DCAF7: variants seen among roughly 807,000 people sequenced by gnomAD.
DCAF7 encodes the protein DDB1 and CUL4 associated factor 7, also known as DDB1- and CUL4-associated factor 7.
In DCAF7, 4 loss-of-function variants were observed where a neutral mutation model predicts 41.2. The observed-to-expected ratio is 0.10, with a 90% CI of 0.05 to 0.22. The LOEUF is 0.22. DCAF7 is among the 10% of genes least tolerant of loss of function. The pLI is 1.00. For missense variants in DCAF7, 131 were observed against 443.2 expected, an observed-to-expected ratio of 0.30 and a Z score of 6.32; for synonymous variants, 143 against 164.2, an observed-to-expected ratio of 0.87 and a Z score of 0.99.
chr17:63,550,865 G>A lies in DCAF7; in HGVS notation c.138+50G>A, dbSNP rs769869731. The A allele has an allele frequency of 2.5e-6, 4 of 1,588,508 alleles. No homozygotes were observed. The East Asian group carries it at 6.9e-5, about 27-fold the overall frequency. ...CCAGCTGGCGGGGAGCGGGCCCCGGGAGCGCCCTTTCCGGGCCGGAGCCCA... is the reference window on the plus strand; with the variant it reads ...CCAGCTGGCGGGGAGCGGGCCCCGGAAGCGCCCTTTCCGGGCCGGAGCCCA... On this transcript the variant is annotated intron_variant, in intron 1 of 6. Transcript: ENST00000614556. This position sits in a 1 kb window ranked among gnomAD's most constrained non-coding sequence, Gnocchi z 4.8.
At chr17:63,572,851 C>G (rs1413195229) in intron 1 of DCAF7, among the ~76,000 whole-genome samples, 1 of 152,232 alleles carries the variant, frequency 6.6e-6, no homozygotes, top group Non-Finnish European at 1.5e-5. Context: ...CAACCTCTAC[C>G]TCCTAGGCTC....
chr17:63,576,717 C>T (rs919080814), intron 1 of DCAF7, among the ~76,000 whole-genome samples: 3 of 152,094 alleles, frequency 2.0e-5, no homozygotes, highest in Admixed American at 2.0e-4. Context: ...AGTTCGAGGC[C>T]AGCCTGGGCA....
intron 1 of DCAF7, among the ~76,000 whole-genome samples, chr17:63,555,568 G>A (rs945352888): frequency 1.3e-5 from 2 of 152,300 alleles, no homozygotes; most frequent in East Asian, 1.9e-4. Flanking sequence ...TAGCCGGTCT[G>A]TATTGAACAC....
chr17:63,563,899 A>G (rs183704003), intron 1 of DCAF7, among the ~76,000 whole-genome samples: 4 of 152,268 alleles, frequency 2.6e-5, no homozygotes, highest in East Asian at 3.9e-4. Flanking sequence ...CACTGGGGGA[A>G]TCCCGGTACA....
At chr17:63,557,465 T>C (rs1182014186) in intron 1 of DCAF7, among the ~76,000 whole-genome samples, 3 of 151,612 alleles carry the variant, frequency 2.0e-5, no homozygotes, top group Admixed American at 6.6e-5. Flanking sequence ...GCCGAGATCA[T>C]GTCACTGTAC....
intron 1 of DCAF7, among the ~76,000 whole-genome samples, chr17:63,575,309 C>A (rs1304868313): frequency 6.6e-6 from 1 of 152,030 alleles, no homozygotes; most frequent in African/African-American, 2.4e-5. Context: ...CCAGCTGAGG[C>A]GACAGAGCGA....
Position 63,579,871 on chromosome 17 carries a change from A to G in DCAF7, c.456A>G (p.Thr152=), listed in dbSNP as rs2147774648. ...CATGCACCATCTGGGGGCTGGAGAC[A>G]GGGCAGGTGTTAGGGCGAGTGAATC... ...DTTCTIWGLE[T]GQVLGRVNLV... The change falls in exon 4 of 7, where the codon ACA becomes ACG. Residue 152 remains threonine, a synonymous_variant. Transcript: ENST00000614556. 3 of 1,613,932 alleles carry G rather than the reference A, an allele frequency of 1.9e-6. No homozygotes were observed. Among genetic ancestry groups the G allele is most frequent in the Non-Finnish European group, 2.5e-6 (3 of 1,179,838 alleles).
intron 1 of DCAF7, among the ~76,000 whole-genome samples, chr17:63,556,052 G>T (rs1398499751): frequency 6.6e-6 from 1 of 152,216 alleles, no homozygotes; most frequent in Admixed American, 6.5e-5. Context: ...TTGGTAATCA[G>T]TCAGGAAGAG....
At chr17:63,585,084 G>A (rs1329237764) in intron 5 of DCAF7, 127 bp from the exon 6 acceptor site, 1 of 709,324 alleles carries the variant, frequency 1.4e-6, no homozygotes, top group Non-Finnish European at 2.4e-6. Flanking sequence ...TGGAAATCCT[G>A]TCTCTAGTTC....
intron 1 of DCAF7, among the ~76,000 whole-genome samples, chr17:63,556,737 C>A (rs889443159): frequency 3.9e-5 from 6 of 152,102 alleles, no homozygotes; most frequent in African/African-American, 1.4e-4. Context: ...TGTGGTGGTG[C>A]GTGCCTGTAA....
At chr17:63,551,099 C>T (rs980916722) in intron 1 of DCAF7, among the ~76,000 whole-genome samples, 16 of 152,350 alleles carry the variant, frequency 1.1e-4, no homozygotes, top group African/African-American at 3.8e-4. Flanking sequence ...GGTCTTAAAA[C>T]CGGGTTTACG....
chr17:63,576,639 G>T (rs1164423324), intron 1 of DCAF7, among the ~76,000 whole-genome samples: 1 of 151,282 alleles, frequency 6.6e-6, no homozygotes, highest in East Asian at 2.0e-4. Context: ...AATTTTTTGG[G>T]TGCGGTGCTT....
chr17:63,561,260 A>G (rs372356110), intron 1 of DCAF7, among the ~76,000 whole-genome samples: 18 of 152,286 alleles, frequency 1.2e-4, no homozygotes, highest in Middle Eastern at 6.8e-3. Context: ...GCAAGACTCT[A>G]TCTCAAAAAA....
chr17:63,551,891 CAAAAAAAAAAAAAAAAAAAAAAAAAAAA>C lies in DCAF7; in HGVS notation c.138+1089_138+1116del, dbSNP rs529811578. On this transcript the variant is annotated intron_variant, in intron 1 of 6. Transcript: ENST00000614556. Reference sequence around the variant, plus strand: ...GTGAAACCCCGTCTCTACTAAAATACAAAAAAAAAAAAAAAAAAAAAAAAAAAAAAAAAAAAAAAAGCCGGGCGTAGCT... The same window carrying C: ...GTGAAACCCCGTCTCTACTAAAATACAAAAAAAAAAAAGCCGGGCGTAGCT... 3.7e-4 allele frequency among the ~76,000 whole-genome samples: 10 copies of C among 27,296 alleles called. No individual in the cohort carries two copies. In the South Asian group the frequency reaches 0.028, roughly 78 times the overall value. The allele number at this position is 27,296 out of a possible 152,430, so 17.9% of individuals were successfully genotyped here.
chr17:63,551,262 C>G (rs567025150), intron 1 of DCAF7, among the ~76,000 whole-genome samples: 1 of 151,910 alleles, frequency 6.6e-6, no homozygotes, highest in African/African-American at 2.4e-5. Context: ...CACTAGATTT[C>G]TATTAAGACG....
chr17:63,588,897 T>C (rs2033705575), intron 6 of DCAF7, 103 bp from the exon 7 acceptor site: 2 of 1,272,368 alleles, frequency 1.6e-6, no homozygotes, highest in Non-Finnish European at 2.1e-6. Context: ...AGAACCGCCA[T>C]CACGGGGGTG....
rs947682077 is a variant in DCAF7, at chr17:63,550,939, CTCTG to C, written c.138+129_138+132del. On this transcript the variant is annotated intron_variant, in intron 1 of 6. Coordinates refer to ENST00000614556, the MANE Select transcript of DCAF7 (RefSeq NM_005828.5). The surrounding 1 kb of genome is among the most constrained non-coding windows in gnomAD (Gnocchi z 4.8). The stretch of plus-strand genomic sequence containing the variant: ...TCGCCCTAGGGCCACGGAGCGGTTC[CTCTG>C]TCTGGCCCTGTGCTGAAGGTTTCGT... 2 of 1,426,068 alleles carry C rather than the reference CTCTG, an allele frequency of 1.4e-6. No individual in the cohort carries two copies. The highest frequency in any genetic ancestry group is 2.9e-5 in the African/African-American group (2 of 70,004). 88.3% of individuals were successfully genotyped at this position (1,426,068 alleles called of 1,614,324 possible). A position where few individuals can be genotyped will look rare whatever the true frequency, so the allele number is the denominator to read the frequency against.
At chr17:63,560,847 C>A (rs2033371934) in intron 1 of DCAF7, among the ~76,000 whole-genome samples, 2 of 152,198 alleles carry the variant, frequency 1.3e-5, no homozygotes, top group Non-Finnish European at 2.9e-5. Context: ...AGAAGCAGTT[C>A]TTTTTATAGA....
intron 5 of DCAF7, among the ~76,000 whole-genome samples, chr17:63,584,014 G>C (rs531431697): frequency 6.6e-6 from 1 of 152,316 alleles, no homozygotes; most frequent in East Asian, 1.9e-4. Flanking sequence ...AGAATTACTT[G>C]TTAAGAACTT....
Sources: gnomAD v4.1 joint callset for allele counts (sites outside exome capture counted in the v4.1 genomes callset) on GRCh38, gnomAD v4.1.1 for gene constraint, Gnocchi (gnomAD v3.1) non-coding constraint, MANE v1.5 for transcripts, NCBI Gene and HGNC (gene_info 2026-07-23, HGNC 2026-07-21) for gene names.